The following FAT3 variants were observed in gnomAD, a reference collection of about 807,000 sequenced individuals.
FAT3 encodes the protein FAT atypical cadherin 3.
Under a neutral mutation model 310.2 loss-of-function variants are expected in FAT3, and 95 were observed. The ratio of observed to expected loss-of-function variants is 0.31; its 90% CI spans 0.26 to 0.36. The LOEUF (loss-of-function observed/expected upper bound fraction) is 0.36, where lower values mean the gene tolerates loss of function less well. Among genes scored for constraint, FAT3 ranks in the 10% least tolerant of loss-of-function variants. The pLI, the probability that FAT3 is intolerant of heterozygous loss-of-function variation, is 1.00. For missense variants in FAT3, 5,408 were observed against 5,715.6 expected, an observed-to-expected ratio of 0.95 and a Z score of 1.74; for synonymous variants, 2,314 against 2,192.9, an observed-to-expected ratio of 1.06 and a Z score of -1.54.
Position 92,354,599 on chromosome 11 carries a change from A to G in FAT3, c.2487A>G (p.Pro829=), listed in dbSNP as rs1194629211. ...TGGAGGATGCTAATGACAATAGCCCAGTTTTTATTCAAGACAGTTACTCAG... is the reference window on the plus strand; with the variant it reads ...TGGAGGATGCTAATGACAATAGCCCGGTTTTTATTCAAGACAGTTACTCAG... ...INVEDANDNS[P]VFIQDSYSVN... Residue 829 remains proline (P), a synonymous_variant, in exon 2 of 28, where the codon CCA becomes CCG. Coordinates refer to ENST00000525166, the MANE Select transcript of FAT3 (RefSeq NM_001367949.2). 2.5e-6 allele frequency: 4 copies of G among 1,613,706 alleles called. No homozygotes were observed. In the Admixed American group the frequency reaches 5.0e-5, roughly 20 times the overall value.
intron 7 of FAT3, among the ~76,000 whole-genome samples, chr11:92,787,171 G>C (rs1293845128): frequency 6.6e-6 from 1 of 152,148 alleles, no homozygotes; most frequent in Non-Finnish European, 1.5e-5. Flanking sequence ...TTAATGTTAT[G>C]TTAACTGTAA....
intron 2 of FAT3, among the ~76,000 whole-genome samples, chr11:92,468,154 G>T (rs1195968314): frequency 6.6e-6 from 1 of 152,156 alleles, no homozygotes. Context: ...GATTAGATCA[G>T]GTTTTGCAGT....
At chr11:92,478,640 A>G (rs958167595) in intron 2 of FAT3, among the ~76,000 whole-genome samples, 2 of 151,938 alleles carry the variant, frequency 1.3e-5, no homozygotes, top group African/African-American at 4.8e-5. Context: ...TTTCTGAGAC[A>G]GAGTCTCGCT....
chr11:92,889,753 G>T (rs1385977889), intron 26 of FAT3, 103 bp from the exon 27 acceptor site: 7 of 700,894 alleles, frequency 1.0e-5, no homozygotes, highest in Non-Finnish European at 8.0e-6. Flanking sequence ...TAGCCCACAG[G>T]CCTTTAGGAG....
rs1277383421 is a variant in FAT3, at chr11:92,890,355, A to T, written c.13148-136A>T. ...CGCAGGCCAAAGCATGGCTGGCCCC[A>T]TAGACCCTTGTAATAAGCTTCTTAG... On this transcript the variant is annotated intron_variant, in intron 27 of 27. Coordinates refer to ENST00000525166, the MANE Select transcript of FAT3 (RefSeq NM_001367949.2). The T allele has an allele frequency of 5.6e-6, 6 of 1,079,212 alleles. No individual in the cohort carries two copies. In the African/African-American group the frequency reaches 9.6e-5, roughly 17 times the overall value. The allele number at this position is 1,079,212 out of a possible 1,614,324, so 66.9% of individuals were successfully genotyped here.
In FAT3 at chr11:92,398,632, ATTCTGACATATAC is replaced by A. The variant is rs548601764; in HGVS notation, c.3292+43231_3292+43243del. On this transcript the variant is annotated intron_variant, in intron 2 of 27. Transcript: ENST00000525166. ...AGACCTTATTTCCACATAAGGTCAC[ATTCTGACATATAC>A]TTGGGTGGGGGATACCTACCCAGCT... 2.5e-4 allele frequency among the ~76,000 whole-genome samples: 38 copies of A among 152,134 alleles called. No individual in the cohort carries two copies. The South Asian group carries it at 6.9e-3, about 27-fold the overall frequency.
intron 3 of FAT3, among the ~76,000 whole-genome samples, chr11:92,576,768 A>G (rs932090813): frequency 2.0e-5 from 3 of 152,286 alleles, no homozygotes; most frequent in East Asian, 1.9e-4. Flanking sequence ...AGGAAAAAAC[A>G]GAAAAACTTT....
intron 1 of FAT3, among the ~76,000 whole-genome samples, chr11:92,257,789 C>T (rs1397075746): frequency 6.6e-6 from 1 of 152,066 alleles, no homozygotes; most frequent in South Asian, 2.1e-4. Context: ...GCAGTTAGAA[C>T]TACATTTTAA....
At chr11:92,262,097 G>A (rs969537542) in intron 1 of FAT3, among the ~76,000 whole-genome samples, 4 of 151,804 alleles carry the variant, frequency 2.6e-5, no homozygotes, top group Non-Finnish European at 4.4e-5. Flanking sequence ...TATTAGATTA[G>A]CTTTCACTTA....
chr11:92,368,589 T>C (rs867378029), intron 2 of FAT3, among the ~76,000 whole-genome samples: 2 of 152,162 alleles, frequency 1.3e-5, no homozygotes, highest in Admixed American at 6.5e-5. Flanking sequence ...CAAGTTTACA[T>C]GTCTAATCAT....
intron 1 of FAT3, among the ~76,000 whole-genome samples, chr11:92,247,102 C>T (rs954338384): frequency 3.9e-5 from 6 of 151,982 alleles, no homozygotes; most frequent in African/African-American, 1.2e-4. Context: ...ATTCCAGCGA[C>T]GTGGCAGTTC....
chr11:92,743,165 A>G (rs914896323), intron 4 of FAT3, among the ~76,000 whole-genome samples: 1 of 152,198 alleles, frequency 6.6e-6, no homozygotes, highest in African/African-American at 2.4e-5. Flanking sequence ...CTTTACTCCA[A>G]TCATGTACAT....
At chr11:92,456,523 G>A (rs1054388437) in intron 2 of FAT3, among the ~76,000 whole-genome samples, 2 of 152,140 alleles carry the variant, frequency 1.3e-5, no homozygotes, top group Admixed American at 1.3e-4. Flanking sequence ...TAAAAGCAGT[G>A]AATGGACATT....
intron 2 of FAT3, among the ~76,000 whole-genome samples, chr11:92,382,171 T>A (rs1418067962): frequency 6.6e-6 from 1 of 152,178 alleles, no homozygotes; most frequent in Non-Finnish European, 1.5e-5. Context: ...ACTGTCAGTA[T>A]TTAATAGTAA....
chr11:92,709,203 G>A (rs1323117430), intron 4 of FAT3, among the ~76,000 whole-genome samples: 3 of 152,254 alleles, frequency 2.0e-5, no homozygotes, highest in Non-Finnish European at 4.4e-5. Context: ...GTCTTAAATT[G>A]TGTTTATTTG....
chr11:92,891,027 A>G lies in FAT3; in HGVS notation c.13684A>G (p.Met4562Val), dbSNP rs2136450019. The G allele has an allele frequency of 6.2e-7, 1 of 1,613,950 alleles. No homozygotes were observed. Among genetic ancestry groups the G allele is most frequent in the South Asian group, 1.1e-5 (1 of 91,060 alleles). Residue 4562 changes from methionine to valine, a missense_variant, in exon 28 of 28, where the codon ATG (methionine) becomes GTG (valine). Transcript: ENST00000525166. ...NCGFDDSEVAMSDYESVGELS... is the reference protein window; with the variant it reads ...NCGFDDSEVAVSDYESVGELS... ...CGGCTTTGACGATTCCGAAGTAGCCATGAGTGACTACGAGAGCGTGGGAGA... is the reference window on the plus strand; with the variant it reads ...CGGCTTTGACGATTCCGAAGTAGCCGTGAGTGACTACGAGAGCGTGGGAGA...
chr11:92,878,834 A>T (rs1298292790), intron 22 of FAT3, among the ~76,000 whole-genome samples: 1 of 151,772 alleles, frequency 6.6e-6, no homozygotes, highest in Non-Finnish European at 1.5e-5. Flanking sequence ...AGATCCAAAA[A>T]ATAGAAGTTC....
chr11:92,548,172 T>C (rs1226400165), intron 3 of FAT3, among the ~76,000 whole-genome samples: 1 of 152,218 alleles, frequency 6.6e-6, no homozygotes, highest in Non-Finnish European at 1.5e-5. Flanking sequence ...ACTTAATCCA[T>C]AGTCCAGTCA....
chr11:92,694,769 A>G (rs1418961729), intron 3 of FAT3, among the ~76,000 whole-genome samples: 8 of 152,104 alleles, frequency 5.3e-5, no homozygotes, highest in Admixed American at 5.2e-4. Context: ...TGACTCATTT[A>G]TAGCCTCAAT....
Sources: gnomAD v4.1 joint callset for allele counts (sites outside exome capture counted in the v4.1 genomes callset) on GRCh38, gnomAD v4.1.1 for gene constraint, MANE v1.5 for transcripts, NCBI Gene and HGNC (gene_info 2026-07-23, HGNC 2026-07-21) for gene names.